The following RPL6 variants were observed in gnomAD, a reference collection of about 807,000 sequenced individuals.
RPL6 encodes the protein large ribosomal subunit protein eL6.
RPL6 carries 1 observed loss-of-function variant against 32.1 expected under a neutral mutation model. The observed-to-expected ratio is 0.03, with a 90% CI of 0.01 to 0.15. RPL6 has a LOEUF of 0.15. RPL6 is among the 10% of genes least tolerant of loss of function. RPL6 has a pLI of 1.00. For missense variants in RPL6, 275 were observed against 354.6 expected, an observed-to-expected ratio of 0.78 and a Z score of 1.80; for synonymous variants, 126 against 131.6, an observed-to-expected ratio of 0.96 and a Z score of 0.29.
chr12:112,413,581 GT>G (rs999744758), upstream of RPL6, among the ~76,000 whole-genome samples: 4 of 151,826 alleles, frequency 2.6e-5, no homozygotes, highest in African/African-American at 9.7e-5. Flanking sequence ...TCAGATTGAG[GT>G]TTTTTTGTTT....
intron 5 of RPL6, 68 bp from the exon 6 acceptor site, chr12:112,406,105 A>G: frequency 7.2e-7 from 1 of 1,393,190 alleles, no homozygotes; most frequent in Admixed American, 1.9e-5. Flanking sequence ...TTAGGTGACC[A>G]TTACTTGTTA....
chr12:112,416,170 C>T (rs1215412199), intron 1 of RPL6, among the ~76,000 whole-genome samples: 20 of 131,256 alleles, frequency 1.5e-4, no homozygotes, highest in Non-Finnish European at 2.7e-4. Context: ...GACAGAGTCT[C>T]GCTCTGTTGC....
chr12:112,415,181 C>T (rs1448544521), upstream of RPL6, among the ~76,000 whole-genome samples: 5 of 152,130 alleles, frequency 3.3e-5, no homozygotes, highest in Non-Finnish European at 5.9e-5. Flanking sequence ...AAGAATATGG[C>T]ATATTGAGGG....
At chr12:112,417,728 G>C (rs1311050355) in intron 1 of RPL6, among the ~76,000 whole-genome samples, 1 of 151,730 alleles carries the variant, frequency 6.6e-6, no homozygotes, top group Non-Finnish European at 1.5e-5. Flanking sequence ...CGCGATCTCG[G>C]CTTTCAGCAG....
rs372781987 is a variant in RPL6 at position 112,405,868 on chromosome 12, G to A, written c.699C>T (p.Phe233=). 9.3e-5 allele frequency: 150 copies of A among 1,611,608 alleles called. No individual in the cohort carries two copies. Among genetic ancestry groups the A allele is most frequent in the Non-Finnish European group, 1.1e-4 (130 of 1,179,018 alleles). The change falls in exon 6 of 7, where the codon TTC becomes TTT. Residue 233 remains phenylalanine (F), a synonymous_variant. Coordinates refer to ENST00000202773, the MANE Select transcript of RPL6 (RefSeq NM_000970.6). ...RKPRHQEGEI[F]DTEKEKYEIT... ...AGAAACTTACCTCTTTTTCTGTGTC[G>A]AAGATCTCACCTTCCTGGTGTCTGG...
chr12:112,406,857 T>G lies in RPL6; in HGVS notation c.370A>C (p.Lys124Gln). 6.2e-7 allele frequency: 1 copy of G among 1,614,200 alleles called. No homozygotes were observed. The highest frequency in any genetic ancestry group is 8.5e-7 in the Non-Finnish European group (1 of 1,180,024). Residue 124 changes from lysine to glutamine, a missense_variant, in exon 4 of 7, where the codon AAG (lysine) becomes CAG (glutamine). Transcript: ENST00000202773. ...RYYPTEDVPR[K>Q]LLSHGKKPFS... ...GGTTTTTTGCCGTGGCTCAACAGCT[T>G]TCGAGGCACATCTTCAGTAGGATAA...
chr12:112,406,833 G>T lies in RPL6; in HGVS notation c.394C>A (p.Pro132Thr), dbSNP rs1285735385. ...AGTTTTCTCACGTGCTGACTGAAGG[G>T]TTTTTTGCCGTGGCTCAACAGCTTT... ...PRKLLSHGKK[P>T]FSQHVRKLRA... Residue 132 changes from proline (P) to threonine (T), a missense_variant, in exon 4 of 7, where the codon CCC becomes ACC. By Grantham distance (38) the Pro-to-Thr change is conservative (BLOSUM62 -1). Coordinates refer to ENST00000202773, the MANE Select transcript of RPL6 (RefSeq NM_000970.6). 1.2e-6 allele frequency: 2 copies of T among 1,614,088 alleles called. No individual in the cohort carries two copies. The highest frequency in any genetic ancestry group is 2.7e-5 in the African/African-American group (2 of 74,930).
chr12:112,409,859 A>C (rs2037308581), upstream of RPL6, among the ~76,000 whole-genome samples: 1 of 151,988 alleles, frequency 6.6e-6, no homozygotes, highest in African/African-American at 2.4e-5. Context: ...AAAAATACAA[A>C]AGGTAGCCGG....
intron 6 of RPL6, 150 bp from the exon 7 acceptor site, chr12:112,405,526 G>A (rs2135792582): frequency 2.4e-6 from 2 of 826,396 alleles, no homozygotes; most frequent in Non-Finnish European, 3.8e-6. Flanking sequence ...TTGGAATGCT[G>A]TGAAACACAA....
intron 1 of RPL6, among the ~76,000 whole-genome samples, chr12:112,415,956 G>GTTTTTT: frequency 8.5e-6 from 1 of 117,066 alleles, no homozygotes; most frequent in Non-Finnish European, 1.7e-5. Context: ...TAGTTTTGCA[G>GTTTTTT]TTTTTTTTTT....
At chr12:112,407,631 G>T (rs910566708) in intron 3 of RPL6, 1 of 153,216 alleles carries the variant, frequency 6.5e-6, no homozygotes, top group Non-Finnish European at 1.5e-5. Context: ...ATTGGGTCTT[G>T]TGTGTGGTAA....
chr12:112,407,868 C>CA, intron 3 of RPL6: 1 of 195,414 alleles, frequency 5.1e-6, no homozygotes, highest in South Asian at 8.1e-5. Context: ...GCTGGGACTA[C>CA]AGGCACGCAA....
chr12:112,407,069 C>T (rs1448125803), intron 3 of RPL6, 179 bp from the exon 4 acceptor site: 1 of 595,164 alleles, frequency 1.7e-6, no homozygotes, highest in Non-Finnish European at 2.9e-6. Context: ...GCTTCTGCAT[C>T]CTGTGTGCAA....
Position 112,405,916 on chromosome 12 carries a change from G to A in RPL6, c.651C>T (p.Phe217=), listed in dbSNP as rs369557690. 1.9e-6 allele frequency: 3 copies of A among 1,613,918 alleles called. No individual in the cohort carries two copies. The highest frequency in any genetic ancestry group is 1.7e-6 in the Non-Finnish European group (2 of 1,179,958). ...KIPKHLTDAY[F]KKKKLRKPRH... ...TGGGCTTCCGCAGCTTCTTCTTCTT[G>A]AAGTAAGCATCAGTAAGATGTTTTG... is the stretch of plus-strand genomic sequence containing the variant. The change falls in exon 6 of 7, where the codon TTC becomes TTT. Residue 217 remains phenylalanine (F), a synonymous_variant. Transcript: ENST00000202773.
chr12:112,414,987 T>C (rs1193467981), upstream of RPL6, among the ~76,000 whole-genome samples: 2 of 152,016 alleles, frequency 1.3e-5, no homozygotes, highest in Non-Finnish European at 2.9e-5. Flanking sequence ...TAGTGTAGCA[T>C]GTTAGGTTCT....
At chr12:112,412,819 G>A (rs1292896477), upstream of RPL6, among the ~76,000 whole-genome samples, 1 of 151,960 alleles carries the variant, frequency 6.6e-6, no homozygotes, top group African/African-American at 2.4e-5. Flanking sequence ...AGCTACTTGG[G>A]AGGCTGAGGC....
At chr12:112,415,041 C>T (rs569119293), upstream of RPL6, among the ~76,000 whole-genome samples, 3 of 152,016 alleles carry the variant, frequency 2.0e-5, no homozygotes, top group African/African-American at 7.2e-5. Context: ...ACTAGAGAAT[C>T]GGGTGAGGCT....
At chr12:112,410,669 G>T (rs1169116924), upstream of RPL6, among the ~76,000 whole-genome samples, 1 of 143,282 alleles carries the variant, frequency 7.0e-6, no homozygotes, top group Non-Finnish European at 1.5e-5. Context: ...TGCCTCCTGG[G>T]TTCAAGTGAT....
chr12:112,418,746 A>T, exon 1 of RPL6: 1 of 370,506 alleles, frequency 2.7e-6, no homozygotes, highest in Non-Finnish European at 5.0e-6. Context: ...CGCGGTTTCC[A>T]GGAGGAAGCA....
Sources: allele counts gnomAD v4.1 joint callset (sites outside exome capture counted in the v4.1 genomes callset), GRCh38; gene constraint gnomAD v4.1.1; transcripts MANE v1.5; gene names NCBI Gene and HGNC (gene_info 2026-07-23, HGNC 2026-07-21).